PCDHA8: variants seen among roughly 807,000 people sequenced by gnomAD.
PCDHA8 encodes protocadherin alpha 8.
In PCDHA8, 53 loss-of-function variants were observed where a neutral mutation model predicts 61.8. The ratio of observed to expected loss-of-function variants is 0.86; its 90% confidence interval spans 0.69 to 1.08. The LOEUF (loss-of-function observed/expected upper bound fraction) is 1.08, where lower values mean the gene tolerates loss of function less well. Among genes scored for constraint, PCDHA8 ranks in the 50% least tolerant of loss-of-function variants. The pLI, the probability that PCDHA8 is intolerant of heterozygous loss-of-function variation, is 0.00. For missense variants in PCDHA8, 1,293 were observed against 1,245.0 expected (o/e 1.04, Z -0.58); for synonymous variants, 618 against 556.6 (o/e 1.11, Z -1.55).
chr5:140,966,502 GGCA>G (rs2096011406), intron 1 of PCDHA8: 14 of 433,816 alleles, frequency 3.2e-5, no homozygotes, highest in South Asian at 2.3e-4. Context: ...GAGCTGTAGC[GGCA>G]GCAGCAGCAG....
chr5:140,886,401 A>G (rs2060965059), intron 1 of PCDHA8, among the ~76,000 whole-genome samples: 1 of 152,174 alleles, frequency 6.6e-6, no homozygotes, highest in African/African-American at 2.4e-5. Flanking sequence ...TGCATCACAA[A>G]TATGTTTTCC....
intron 3 of PCDHA8, among the ~76,000 whole-genome samples, chr5:141,000,385 C>CAA (rs1399640915): frequency 2.3e-4 from 15 of 64,992 alleles, no homozygotes; most frequent in African/African-American, 9.7e-4. Context: ...CTCTCTCTCT[C>CAA]TCTCTCTCTC....
In PCDHA8 at chr5:140,982,572, C is replaced by T; in HGVS notation, c.2542+9C>T. On this transcript the variant is annotated intron_variant, in intron 3 of 3. Coordinates refer to ENST00000531613, the MANE Select transcript of PCDHA8 (RefSeq NM_018911.3). ...ATCCAGTGCAACACCAGGTAAAGAG[C>T]TGGGGTCTCTCCATTCTTTCTTGGT... is the stretch of plus-strand genomic sequence containing the variant. 4 of 1,613,760 alleles carry T rather than the reference C, an allele frequency of 2.5e-6. No homozygotes were observed. Among genetic ancestry groups the T allele is most frequent in the Non-Finnish European group, 3.4e-6 (4 of 1,179,726 alleles).
intron 1 of PCDHA8, chr5:140,884,293 GC>G: frequency 6.2e-7 from 1 of 1,613,666 alleles, no homozygotes; most frequent in Non-Finnish European, 8.5e-7. Flanking sequence ...GCGGCCAAGC[GC>G]CACAGGCTTC....
At chr5:140,910,105 T>C (rs1021391817) in intron 1 of PCDHA8, among the ~76,000 whole-genome samples, 11 of 152,202 alleles carry the variant, frequency 7.2e-5, no homozygotes, top group African/African-American at 2.7e-4. Flanking sequence ...CCCCTTCATT[T>C]AAGGGATTCT....
intron 3 of PCDHA8, among the ~76,000 whole-genome samples, chr5:140,998,912 C>T (rs1256504660): frequency 6.6e-6 from 1 of 152,182 alleles, no homozygotes; most frequent in Admixed American, 6.6e-5. Context: ...CGGGAGGTAG[C>T]TATTATATCC....
At chr5:140,873,085 C>G (rs1554166557) in intron 1 of PCDHA8, among the ~76,000 whole-genome samples, 2 of 152,098 alleles carry the variant, frequency 1.3e-5, no homozygotes, top group Non-Finnish European at 2.9e-5. Flanking sequence ...TATTTCCCCC[C>G]CGTATAGAGG....
In PCDHA8 at chr5:140,877,646, C is replaced by T. The variant is rs782472866; in HGVS notation, c.2394+33931C>T. 7 of 1,613,560 alleles carry T rather than the reference C, an allele frequency of 4.3e-6. No individual in the cohort carries two copies. The Admixed American group carries it at 6.7e-5, about 15-fold the overall frequency. On this transcript the variant is annotated intron_variant, in intron 1 of 3. Coordinates refer to ENST00000531613, the MANE Select transcript of PCDHA8 (RefSeq NM_018911.3). ...CTGTACACTGCGCTGCGTTGCTCAG[C>T]GCCGCCCACCGTGAGCCGGTGCGCG...
intron 1 of PCDHA8, among the ~76,000 whole-genome samples, chr5:140,894,606 T>C (rs1305424119): frequency 6.6e-6 from 1 of 152,022 alleles, no homozygotes; most frequent in Non-Finnish European, 1.5e-5. Context: ...CTCATCTCTC[T>C]TTTCAAAGCT....
intron 3 of PCDHA8, among the ~76,000 whole-genome samples, chr5:140,995,371 C>T (rs143381591): frequency 1.3e-5 from 2 of 152,238 alleles, no homozygotes; most frequent in African/African-American, 2.4e-5. Flanking sequence ...GGATGATTCA[C>T]GTACTGGGCA....
In PCDHA8 at chr5:140,852,588, T is replaced by TTA. The variant is rs1554145946; in HGVS notation, c.2394+8874_2394+8875insAT. On this transcript the variant is annotated intron_variant, in intron 1 of 3. Coordinates refer to ENST00000531613, the MANE Select transcript of PCDHA8 (RefSeq NM_018911.3). ...ACTGTGCCAAGGCTTTTTTATTTTTTTTTTTTGTCATTTTCTTTCAAAACT... is the reference window on the plus strand; with the variant it reads ...ACTGTGCCAAGGCTTTTTTATTTTTTTATTTTTTGTCATTTTCTTTCAAAACT... 1.7e-5 allele frequency: 15 copies of TTA among 881,508 alleles called. 1 individual carries two copies. The highest frequency in any genetic ancestry group is 1.9e-5 in the Non-Finnish European group (14 of 723,686). The allele number at this position is 881,508 out of a possible 1,614,324, so 54.6% of individuals were successfully genotyped here. A position where few individuals can be genotyped will look rare whatever the true frequency, so the allele number is the denominator to read the frequency against.
intron 1 of PCDHA8, chr5:140,876,605 A>T (rs1582292779): frequency 6.2e-7 from 1 of 1,614,060 alleles, no homozygotes; most frequent in South Asian, 1.1e-5. Context: ...TCGGATCGTG[A>T]CTCTGGAGCC....
chr5:140,975,201 A>G (rs1253516142), intron 1 of PCDHA8, among the ~76,000 whole-genome samples: 1 of 152,144 alleles, frequency 6.6e-6, no homozygotes, highest in Non-Finnish European at 1.5e-5. Context: ...CTCCATCTTC[A>G]TGGCTGGCAC....
chr5:140,870,970 G>A, intron 1 of PCDHA8: 4 of 1,613,652 alleles, frequency 2.5e-6, no homozygotes, highest in Non-Finnish European at 3.4e-6. Context: ...CCCGTTCCGC[G>A]TGGGGCTGTA....
At chr5:140,991,420 A>G (rs1413227137) in intron 3 of PCDHA8, among the ~76,000 whole-genome samples, 2 of 152,234 alleles carry the variant, frequency 1.3e-5, no homozygotes, top group Admixed American at 6.5e-5. Flanking sequence ...GCTATAACAA[A>G]TTAACCATAA....
chr5:140,965,036 G>A (rs568573122), intron 1 of PCDHA8, among the ~76,000 whole-genome samples: 1 of 152,272 alleles, frequency 6.6e-6, no homozygotes, highest in African/African-American at 2.4e-5. Context: ...TTAACTGTCC[G>A]CTCTAGGAGG....
chr5:140,887,561 CT>C (rs2061497104), intron 1 of PCDHA8, among the ~76,000 whole-genome samples: 1 of 151,690 alleles, frequency 6.6e-6, no homozygotes, highest in Non-Finnish European at 1.5e-5. Context: ...ACTGTTAAAA[CT>C]TTTCTTTTTA....
At chr5:140,962,790 C>T (rs899867239) in intron 1 of PCDHA8, among the ~76,000 whole-genome samples, 28 of 152,286 alleles carry the variant, frequency 1.8e-4, no homozygotes, top group African/African-American at 6.0e-4. Flanking sequence ...TTAAAAACTA[C>T]TTTGGACAAC....
At chr5:140,852,945 C>G in intron 1 of PCDHA8, 1 of 522,890 alleles carries the variant, frequency 1.9e-6, no homozygotes, top group Non-Finnish European at 2.5e-6. Context: ...GTGGTGCCAT[C>G]TTGGCTCACT....
Sources: gnomAD v4.1 joint callset for allele counts (sites outside exome capture counted in the v4.1 genomes callset) on GRCh38, gnomAD v4.1.1 for gene constraint, MANE v1.5 for transcripts, NCBI Gene and HGNC (gene_info 2026-07-23, HGNC 2026-07-21) for gene names.